PCDHGB7: variants seen among roughly 807,000 people sequenced by gnomAD.
PCDHGB7 encodes the protein protocadherin gamma-B7.
Under a neutral mutation model 61.4 loss-of-function variants are expected in PCDHGB7, and 37 were observed. The ratio of observed to expected loss-of-function variants is 0.60; its 90% CI spans 0.46 to 0.79. PCDHGB7 has a LOEUF of 0.79. Among genes scored for constraint, PCDHGB7 ranks in the 30% least tolerant of loss-of-function variants. The probability of loss-of-function intolerance (pLI) is 0.00; values close to 1 mark genes in which losing one functional copy is unlikely to be tolerated. For synonymous variants in PCDHGB7, 464 were observed against 503.5 expected (o/e 0.92, Z 1.05); for missense variants, 1,166 against 1,202.5 (o/e 0.97, Z 0.45).
In PCDHGB7 at chr5:141,477,097, G is replaced by A; in HGVS notation, c.2416-17710G>A. ...AGATTTACATCCAGGCCAAAGACAAGGGCGCCAATCCCGAAGGAGCACATT... is the reference window on the plus strand; with the variant it reads ...AGATTTACATCCAGGCCAAAGACAAAGGCGCCAATCCCGAAGGAGCACATT... On this transcript the variant is annotated intron_variant, in intron 1 of 3. Transcript: ENST00000398594. This position sits in a 1 kb window ranked among gnomAD's most constrained non-coding sequence, Gnocchi z 4.9. 1 of 1,614,242 alleles carries A rather than the reference G, an allele frequency of 6.2e-7. No homozygotes were observed. Among genetic ancestry groups the A allele is most frequent in the South Asian group, 1.1e-5 (1 of 91,088 alleles).
rs766431596 is a variant in PCDHGB7 at position 141,422,883 on chromosome 5, C to T, written c.2415+2609C>T. The T allele has an allele frequency of 3.7e-6, 6 of 1,614,124 alleles. No homozygotes were observed. The African/African-American group carries it at 4.0e-5, about 11-fold the overall frequency. Reference sequence around the variant, plus strand: ...GCAGCAACGTGTCGCTGAGCCTGTTCGTGCTGGACCAGAACGACAATGCGC... The same window carrying T: ...GCAGCAACGTGTCGCTGAGCCTGTTTGTGCTGGACCAGAACGACAATGCGC... On this transcript the variant is annotated intron_variant, in intron 1 of 3. Transcript: ENST00000398594.
Position 141,477,983 on chromosome 5 carries a change from C to T in PCDHGB7, c.2416-16824C>T. 1 of 1,614,126 alleles carries T rather than the reference C, an allele frequency of 6.2e-7. No individual in the cohort carries two copies. Among genetic ancestry groups the T allele is most frequent in the Non-Finnish European group, 8.5e-7 (1 of 1,180,024 alleles). ...TAACCAGAGCCTTTTTGCCATAGGGCTGCACACTGGTCAAATCAGTACTGC... is the reference window on the plus strand; with the variant it reads ...TAACCAGAGCCTTTTTGCCATAGGGTTGCACACTGGTCAAATCAGTACTGC... On this transcript the variant is annotated intron_variant, in intron 1 of 3. Coordinates refer to ENST00000398594, the MANE Select transcript of PCDHGB7 (RefSeq NM_018927.4). The surrounding 1 kb of genome is among the most constrained non-coding windows in gnomAD (Gnocchi z 4.9).
At chr5:141,422,897 A>AT (rs778069795) in intron 1 of PCDHGB7, 4 of 1,614,212 alleles carry the variant, frequency 2.5e-6, no homozygotes, top group Non-Finnish European at 3.4e-6. Flanking sequence ...CTGGACCAGA[A>AT]CGACAATGCG....
At chr5:141,430,100 C>T (rs6874907) in intron 1 of PCDHGB7, among the ~76,000 whole-genome samples, 7,606 of 152,160 alleles carry the variant, frequency 0.05, 372 homozygotes, top group African/African-American at 0.13. Context: ...GATTTTTAAG[C>T]GTTACATGTC....
At chr5:141,458,485 A>G (rs2098946793) in intron 1 of PCDHGB7, among the ~76,000 whole-genome samples, 1 of 151,558 alleles carries the variant, frequency 6.6e-6, no homozygotes, top group Non-Finnish European at 1.5e-5. Context: ...GAAAATGAGG[A>G]CTGCCTGTAC....
At position 141,491,834 on chromosome 5, in the gene PCDHGB7, C is replaced by T; in HGVS notation, c.2416-2973C>T. 6 of 1,473,830 alleles carry T rather than the reference C, an allele frequency of 4.1e-6. No homozygotes were observed. The highest frequency in any genetic ancestry group is 5.4e-6 in the Non-Finnish European group (6 of 1,112,366). The allele number at this position is 1,473,830 out of a possible 1,614,324, so 91.3% of individuals were successfully genotyped here. ...CGCTGGCTGCGCTCCACCCGATTCTCGGGATCATTGGACCGTTTGCGCGAA... is the reference window on the plus strand; with the variant it reads ...CGCTGGCTGCGCTCCACCCGATTCTTGGGATCATTGGACCGTTTGCGCGAA... On this transcript the variant is annotated intron_variant, in intron 1 of 3. Transcript: ENST00000398594. This position sits in a 1 kb window ranked among gnomAD's most constrained non-coding sequence, Gnocchi z 6.9.
At chr5:141,426,048 A>G (rs2096911760) in intron 1 of PCDHGB7, among the ~76,000 whole-genome samples, 1 of 152,182 alleles carries the variant, frequency 6.6e-6, no homozygotes, top group Non-Finnish European at 1.5e-5. Context: ...CTGTTGGCCA[A>G]TGTGCTGCAA....
At chr5:141,466,684 G>A (rs1337230884) in intron 1 of PCDHGB7, among the ~76,000 whole-genome samples, 1 of 152,034 alleles carries the variant, frequency 6.6e-6, no homozygotes, top group Non-Finnish European at 1.5e-5. Flanking sequence ...TTCCACTCAA[G>A]CTTCATCATA....
intron 1 of PCDHGB7, among the ~76,000 whole-genome samples, chr5:141,460,285 T>C (rs1283830175): frequency 1.3e-5 from 2 of 152,154 alleles, no homozygotes; most frequent in Admixed American, 6.5e-5. Context: ...ATAGTTTGTA[T>C]TTCTTATGTC....
At chr5:141,449,630 T>A (rs1006977026) in intron 1 of PCDHGB7, among the ~76,000 whole-genome samples, 6 of 150,024 alleles carry the variant, frequency 4.0e-5, no homozygotes, top group Non-Finnish European at 8.9e-5. Flanking sequence ...TTTAAAAAGA[T>A]GTATCTATAT....
intron 1 of PCDHGB7, chr5:141,423,365 T>A (rs1338039878): frequency 1.9e-6 from 3 of 1,614,096 alleles, no homozygotes; most frequent in South Asian, 1.1e-5. Context: ...ATCGTGCTGC[T>A]GGCACTCAGG....
rs760017836 is a variant in PCDHGB7, at chr5:141,432,060, C to G, written c.2415+11786C>G. 1.2e-6 allele frequency: 2 copies of G among 1,614,200 alleles called. No homozygotes were observed. The highest frequency in any genetic ancestry group is 1.7e-6 in the Non-Finnish European group (2 of 1,180,048). ...GACCGGGGAACCCCGCCCCTATCCACGGAAACTCATATCTCGCTGAACGTG... is the reference window on the plus strand; with the variant it reads ...GACCGGGGAACCCCGCCCCTATCCAGGGAAACTCATATCTCGCTGAACGTG... On this transcript the variant is annotated intron_variant, in intron 1 of 3. Coordinates refer to ENST00000398594, the MANE Select transcript of PCDHGB7 (RefSeq NM_018927.4). The surrounding 1 kb of genome is among the most constrained non-coding windows in gnomAD (Gnocchi z 6.0).
rs1284989963 is a variant in PCDHGB7 at position 141,419,134 on chromosome 5, A to T, written c.1275A>T (p.Thr425=). Residue 425 remains threonine (T), a synonymous_variant, in exon 1 of 4, where the codon ACA becomes ACT. Transcript: ENST00000398594. ...TPEYNVTIAA[T]DRGKPPLSSS... is the part of the protein sequence containing the mutation. ...AGTACAACGTCACCATCGCAGCCAC[A>T]GACAGGGGCAAGCCTCCGTTATCCT... is the stretch of plus-strand genomic sequence containing the variant. 2.5e-6 allele frequency: 4 copies of T among 1,613,826 alleles called. No individual in the cohort carries two copies. In the African/African-American group the frequency reaches 5.3e-5, roughly 22 times the overall value.
chr5:141,482,591 A>G lies in PCDHGB7; in HGVS notation c.2416-12216A>G, dbSNP rs115650612. Among the ~76,000 whole-genome samples the G allele has an allele frequency of 6.3e-4, 95 of 151,838 alleles. 1 individual carries two copies. The highest frequency in any genetic ancestry group is 2.3e-3 in the African/African-American group (95 of 41,350). On this transcript the variant is annotated intron_variant, in intron 1 of 3. Coordinates refer to ENST00000398594, the MANE Select transcript of PCDHGB7 (RefSeq NM_018927.4). ...ATAGCATAAGATGCAGTGGGACCAA[A>G]CGGGAAAAAACACCTAAATGAGCCT...
chr5:141,428,180 C>A, intron 1 of PCDHGB7: 1 of 1,486,268 alleles, frequency 6.7e-7, no homozygotes, highest in Non-Finnish European at 9.2e-7. Flanking sequence ...TGACGGAGGA[C>A]AGCCGCCGCT....
rs764843194 is a variant in PCDHGB7 at position 141,490,530 on chromosome 5, T to A, written c.2416-4277T>A. 1.2e-6 allele frequency: 2 copies of A among 1,613,794 alleles called. No individual in the cohort carries two copies. Among genetic ancestry groups the A allele is most frequent in the African/African-American group, 2.7e-5 (2 of 74,846 alleles). ...TCGAGCTGCTGGCCAGCGATGCTGG[T>A]TCACCTTCCCTACACAAACATCTCA... On this transcript the variant is annotated intron_variant, in intron 1 of 3. Coordinates refer to ENST00000398594, the MANE Select transcript of PCDHGB7 (RefSeq NM_018927.4). This position sits in a 1 kb window ranked among gnomAD's most constrained non-coding sequence, Gnocchi z 5.4.
intron 1 of PCDHGB7, among the ~76,000 whole-genome samples, chr5:141,482,843 G>A (rs1005014887): frequency 7.1e-6 from 1 of 140,154 alleles, no homozygotes; most frequent in Non-Finnish European, 1.5e-5. Flanking sequence ...AGGCCAAGGT[G>A]GGCAGATCAC....
chr5:141,498,848 G>A (rs930895553), intron 2 of PCDHGB7, among the ~76,000 whole-genome samples: 3 of 151,908 alleles, frequency 2.0e-5, no homozygotes, highest in Non-Finnish European at 4.4e-5. Context: ...CAGGGGAATC[G>A]CTTGAACCCA....
chr5:141,491,071 C>A lies in PCDHGB7; in HGVS notation c.2416-3736C>A, dbSNP rs987564933. ...TGCGTGGCTCTCCTACTCACTGTTG[C>A]CACAGTCCACAGCCCCAGGACTGTT... On this transcript the variant is annotated intron_variant, in intron 1 of 3. Transcript: ENST00000398594. This position sits in a 1 kb window ranked among gnomAD's most constrained non-coding sequence, Gnocchi z 6.9. 2 of 1,614,034 alleles carry A rather than the reference C, an allele frequency of 1.2e-6. No individual in the cohort carries two copies. The highest frequency in any genetic ancestry group is 1.7e-6 in the Non-Finnish European group (2 of 1,180,036).
Sources: allele counts gnomAD v4.1 joint callset (sites outside exome capture counted in the v4.1 genomes callset), GRCh38; gene constraint gnomAD v4.1.1; non-coding constraint Gnocchi (gnomAD v3.1); transcripts MANE v1.5; gene names NCBI Gene and HGNC (gene_info 2026-07-23, HGNC 2026-07-21).